RASA2: variants seen among roughly 807,000 people sequenced by gnomAD.
RASA2 encodes the protein ras GTPase-activating protein 2.
In RASA2, 155 loss-of-function variants were observed where a neutral mutation model predicts 118.2. The ratio of observed to expected loss-of-function variants is 1.31; its 90% CI spans 1.15 to 1.50. The LOEUF is 1.50. Among genes scored for constraint, RASA2 ranks in the 40% most tolerant of loss-of-function variants. The pLI is 0.00. For missense variants in RASA2, 1,016 were observed against 1,009.6 expected (o/e 1.01, Z -0.09); for synonymous variants, 353 against 349.1 (o/e 1.01, Z -0.12).
intron 19 of RASA2, among the ~76,000 whole-genome samples, chr3:141,597,978 C>T (rs1000376730): frequency 6.6e-6 from 1 of 152,092 alleles, no homozygotes; most frequent in East Asian, 1.9e-4. Flanking sequence ...GGACAAATTT[C>T]TTGGAAAACA....
At chr3:141,517,717 G>A (rs990257238) in intron 3 of RASA2, among the ~76,000 whole-genome samples, 3 of 152,110 alleles carry the variant, frequency 2.0e-5, no homozygotes, top group African/African-American at 4.8e-5. Context: ...TCAGTGGCGC[G>A]ATCTCAGCTC....
intron 9 of RASA2, among the ~76,000 whole-genome samples, chr3:141,569,270 A>G (rs1327908900): frequency 6.6e-6 from 1 of 152,156 alleles, no homozygotes; most frequent in Non-Finnish European, 1.5e-5. Flanking sequence ...AGATAAATAA[A>G]TTTTTAAGAG....
intron 4 of RASA2, among the ~76,000 whole-genome samples, chr3:141,532,126 C>T (rs542631472): frequency 2.0e-4 from 31 of 152,082 alleles, no homozygotes; most frequent in African/African-American, 7.0e-4. Context: ...TTCAAAGTAG[C>T]ATTATGAGGT....
chr3:141,502,068 C>T (rs1383195340), intron 1 of RASA2, among the ~76,000 whole-genome samples: 1 of 152,174 alleles, frequency 6.6e-6, no homozygotes, highest in Non-Finnish European at 1.5e-5. Flanking sequence ...TGGAGCATTT[C>T]AGATTTTCAG....
chr3:141,608,749 T>A, intron 21 of RASA2, 52 bp downstream of exon 21: 1 of 1,529,364 alleles, frequency 6.5e-7, no homozygotes, highest in South Asian at 1.1e-5. Context: ...GATATATCCA[T>A]GCAATGTTAA....
chr3:141,533,399 C>T (rs554656010), intron 4 of RASA2, among the ~76,000 whole-genome samples: 1 of 152,142 alleles, frequency 6.6e-6, no homozygotes, highest in African/African-American at 2.4e-5. Context: ...GCATTTGTGC[C>T]CCAAATAATC....
At chr3:141,497,521 T>C (rs2081721273) in intron 1 of RASA2, among the ~76,000 whole-genome samples, 1 of 152,066 alleles carries the variant, frequency 6.6e-6, no homozygotes, top group South Asian at 2.1e-4. Context: ...AAATGTTAGG[T>C]TTTGTAACAT....
chr3:141,601,647 G>A (rs1367508288), intron 19 of RASA2, among the ~76,000 whole-genome samples: 1 of 151,476 alleles, frequency 6.6e-6, no homozygotes. Context: ...TTTTTAATAT[G>A]ATGACCATAA....
intron 5 of RASA2, among the ~76,000 whole-genome samples, chr3:141,541,193 A>G (rs1393371783): frequency 2.6e-5 from 4 of 152,066 alleles, no homozygotes; most frequent in South Asian, 2.1e-4. Flanking sequence ...GTTTTCCTCT[A>G]TTTTTGCATT....
chr3:141,529,170 A>G (rs760865021), intron 3 of RASA2, among the ~76,000 whole-genome samples: 8 of 152,098 alleles, frequency 5.3e-5, no homozygotes, highest in Admixed American at 1.3e-4. Flanking sequence ...ATGTTTTGAT[A>G]AAAGTAAATT....
chr3:141,553,934 C>A lies in RASA2; in HGVS notation c.605C>A (p.Pro202His). 6.2e-7 allele frequency: 1 copy of A among 1,606,038 alleles called. No individual in the cohort carries two copies. The part of the protein sequence containing the change: ...DPYATVSLVG[P>H]SRNDQKKTKV... ...TATGCAACAGTTTCTCTAGTGGGCC[C>A]TTCTAGGTAATATTTATTGAATTAT... Residue 202 changes from proline to histidine, a missense_variant, in exon 6 of 24, where the codon CCT becomes CAT. By Grantham distance (77) the Pro-to-His change is moderately conservative (BLOSUM62 -2). This residue lies in a region of RASA2 where 896 missense variants were observed against 836.4 expected (regional missense o/e 1.07). Transcript: ENST00000286364.
In RASA2 at chr3:141,612,413, C is replaced by T. The variant is rs2083666856; in HGVS notation, c.*100C>T. On this transcript the variant is annotated 3_prime_UTR_variant, in exon 24 of 24. Transcript: ENST00000286364. ...TTCATGGTATTTAAGAATGAGCATC[C>T]GCTTCAATGTCATCTGCCTCCACAT... The T allele has an allele frequency of 1.5e-5, 14 of 909,866 alleles. No homozygotes were observed. The highest frequency in any genetic ancestry group is 3.4e-5 in the South Asian group (2 of 59,698). 56.4% of individuals were successfully genotyped at this position (909,866 alleles called of 1,614,324 possible).
chr3:141,497,967 A>G (rs1470835390), intron 1 of RASA2, among the ~76,000 whole-genome samples: 3 of 152,312 alleles, frequency 2.0e-5, no homozygotes, highest in South Asian at 4.1e-4. Flanking sequence ...TAAAATTTTA[A>G]TACATTGTTT....
At chr3:141,581,226 G>A in intron 17 of RASA2, 49 bp downstream of exon 17, 1 of 1,212,166 alleles carries the variant, frequency 8.2e-7, no homozygotes, top group Non-Finnish European at 1.1e-6. Flanking sequence ...CATATAACAT[G>A]GGGAAATAAC....
intron 3 of RASA2, among the ~76,000 whole-genome samples, chr3:141,516,696 A>G (rs2082031997): frequency 6.6e-6 from 1 of 151,738 alleles, no homozygotes. Context: ...CATGGTACTC[A>G]TTATGCTTAT....
intron 19 of RASA2, among the ~76,000 whole-genome samples, chr3:141,605,609 C>T (rs1156347335): frequency 6.6e-6 from 1 of 152,152 alleles, no homozygotes; most frequent in Admixed American, 6.5e-5. Flanking sequence ...TTAAAATTCT[C>T]TGACTATAAT....
intron 1 of RASA2, among the ~76,000 whole-genome samples, chr3:141,488,758 T>C (rs1188934695): frequency 6.6e-6 from 1 of 152,222 alleles, no homozygotes; most frequent in Non-Finnish European, 1.5e-5. Flanking sequence ...ATATATCTAA[T>C]TTAACATTTG....
chr3:141,518,345 C>T (rs765781674), intron 3 of RASA2, among the ~76,000 whole-genome samples: 12 of 150,924 alleles, frequency 8.0e-5, no homozygotes, highest in East Asian at 2.0e-4. Context: ...TAGCCTGGAG[C>T]GGCGGTGCGC....
At chr3:141,604,770 G>T (rs7641564) in intron 19 of RASA2, among the ~76,000 whole-genome samples, 5 of 136,518 alleles carry the variant, frequency 3.7e-5, no homozygotes, top group Non-Finnish European at 7.9e-5. Context: ...GTGTGGGGAG[G>T]GGGGAGGGAT....
Sources: allele counts gnomAD v4.1 joint callset (sites outside exome capture counted in the v4.1 genomes callset), GRCh38; gene constraint gnomAD v4.1.1; regional missense constraint gnomAD v4.1.1; transcripts MANE v1.5; gene names NCBI Gene and HGNC (gene_info 2026-07-23, HGNC 2026-07-21).